KLHDC4: variants seen among roughly 807,000 people sequenced by gnomAD.
The protein encoded by KLHDC4 is kelch domain-containing protein 4.
A neutral mutation model predicts 62.4 loss-of-function variants in KLHDC4; 90 were observed. The observed-to-expected ratio is 1.44, with a 90% CI of 1.22 to 1.72. KLHDC4 has a LOEUF of 1.72. KLHDC4 is among the 40% of genes most tolerant of loss of function. KLHDC4 has a pLI of 0.00. For missense variants in KLHDC4, 1,025 were observed against 699.7 expected, an observed-to-expected ratio of 1.47 and a Z score of -5.25; for synonymous variants, 386 against 284.4, an observed-to-expected ratio of 1.36 and a Z score of -3.59.
chr16:87,721,938 C>T (rs765983966), intron 7 of KLHDC4, among the ~76,000 whole-genome samples: 3 of 151,898 alleles, frequency 2.0e-5, no homozygotes, highest in Non-Finnish European at 4.4e-5. Flanking sequence ...AACCTTCCAC[C>T]GTCGCGCCCC....
intron 3 of KLHDC4, chr16:87,755,939 C>T (rs1226430587): frequency 5.5e-5 from 9 of 162,456 alleles, no homozygotes; most frequent in Admixed American, 2.9e-4. Context: ...AGGCCCATCC[C>T]GGGCTGCAGG....
intron 2 of KLHDC4, among the ~76,000 whole-genome samples, chr16:87,761,042 A>G (rs1478357725): frequency 6.6e-6 from 1 of 152,228 alleles, no homozygotes; most frequent in African/African-American, 2.4e-5. Context: ...CAAAAAGAAA[A>G]AAAAAAGTAC....
In KLHDC4 at chr16:87,756,517, C is replaced by T. The variant is rs758938013; in HGVS notation, c.192-40G>A. ...AGCGGCAGGTCAGCAAGATCACCCC[C>T]GATACCCACCTGAGCGCTGTCCCCT... On this transcript the variant is annotated intron_variant, in intron 2 of 11. Transcript: ENST00000270583. The T allele has an allele frequency of 1.2e-5, 17 of 1,445,004 alleles. No individual in the cohort carries two copies. The South Asian group carries it at 1.5e-4, about 13-fold the overall frequency. 89.5% of individuals were successfully genotyped at this position (1,445,004 alleles called of 1,614,324 possible). A position where few individuals can be genotyped will look rare whatever the true frequency, so the allele number is the denominator to read the frequency against.
chr16:87,746,508 C>T (rs1296886599), intron 5 of KLHDC4, among the ~76,000 whole-genome samples: 1 of 152,196 alleles, frequency 6.6e-6, no homozygotes, highest in African/African-American at 2.4e-5. Flanking sequence ...ACACGACCTT[C>T]CAGGACCAAG....
In KLHDC4 at chr16:87,756,283, G is replaced by A. The variant is rs2033247; in HGVS notation, c.270+116C>T. 9.7e-4 allele frequency: 722 copies of A among 748,170 alleles called. 5 individuals are homozygous for A. The highest frequency in any genetic ancestry group is 3.7e-3 in the Middle Eastern group (14 of 3,770). The allele number at this position is 748,170 out of a possible 1,614,324, so 46.3% of individuals were successfully genotyped here. On this transcript the variant is annotated intron_variant, in intron 3 of 11. Coordinates refer to ENST00000270583, the MANE Select transcript of KLHDC4 (RefSeq NM_017566.4). ...TCACATCAGGCCTGACGGCTCAAGCGCGTGATACAAGGGGTGAAGGGGCTA... is the reference window on the plus strand; with the variant it reads ...TCACATCAGGCCTGACGGCTCAAGCACGTGATACAAGGGGTGAAGGGGCTA...
rs192287296 is a variant in KLHDC4, at chr16:87,714,343, C to T, written c.835+155G>A. ...CCAGGGCTATGGAGCCTGTCCCACCCGGCCCACCCCGAAATGAGCCATCTC... is the reference window on the plus strand; with the variant it reads ...CCAGGGCTATGGAGCCTGTCCCACCTGGCCCACCCCGAAATGAGCCATCTC... On this transcript the variant is annotated intron_variant, in intron 8 of 11. Coordinates refer to ENST00000270583, the MANE Select transcript of KLHDC4 (RefSeq NM_017566.4). 29 of 244,104 alleles carry T rather than the reference C, an allele frequency of 1.2e-4. 2 individuals are homozygous for T. Among genetic ancestry groups the T allele is most frequent in the African/African-American group, 3.0e-4 (13 of 42,718 alleles). 15.1% of individuals were successfully genotyped at this position (244,104 alleles called of 1,614,324 possible).
Position 87,742,054 on chromosome 16 carries a change from T to A in KLHDC4, c.506+6619A>T, listed in dbSNP as rs753648855. 2.6e-5 allele frequency among the ~76,000 whole-genome samples: 4 copies of A among 152,280 alleles called. No homozygotes were observed. In the South Asian group the frequency reaches 8.3e-4, roughly 32 times the overall value. Reference sequence around the variant, plus strand: ...CCAGAAAGGGCAAAAACCGTCTTTGTTGTGGCTGAATCTCCTGACCTTTCC... The same window carrying A: ...CCAGAAAGGGCAAAAACCGTCTTTGATGTGGCTGAATCTCCTGACCTTTCC... On this transcript the variant is annotated intron_variant, in intron 5 of 11. Transcript: ENST00000270583.
intron 5 of KLHDC4, among the ~76,000 whole-genome samples, chr16:87,736,867 G>A (rs936637262): frequency 6.6e-6 from 1 of 152,066 alleles, no homozygotes; most frequent in African/African-American, 2.4e-5. Flanking sequence ...GCTCACGCCT[G>A]TAATCCCAGT....
chr16:87,715,163 C>T (rs2036692133), intron 7 of KLHDC4, among the ~76,000 whole-genome samples: 1 of 152,208 alleles, frequency 6.6e-6, no homozygotes, highest in Non-Finnish European at 1.5e-5. Flanking sequence ...TACCTGGGAC[C>T]TAAGGTTGTG....
intron 2 of KLHDC4, among the ~76,000 whole-genome samples, chr16:87,760,554 C>T (rs1225180444): frequency 1.4e-5 from 2 of 146,394 alleles, no homozygotes; most frequent in African/African-American, 5.1e-5. Context: ...TTGCAGTGAA[C>T]CAAGATGGCG....
In KLHDC4 at chr16:87,755,261, T is replaced by C. The variant is rs2044686073; in HGVS notation, c.302A>G (p.Asn101Ser). The C allele has an allele frequency of 2.5e-6, 4 of 1,607,558 alleles. No homozygotes were observed. The highest frequency in any genetic ancestry group is 1.1e-5 in the South Asian group (1 of 90,928). ...TFLYNELYVY[N>S]TRKDTWTKVD... The stretch of plus-strand genomic sequence containing the variant: ...TTTGGTCCAGGTGTCCTTTCTGGTA[T>C]TGTAGACATAGAGCTCGTTATACAA... The change falls in exon 4 of 12, where the codon AAT (asparagine) becomes AGT (serine). Residue 101 changes from asparagine (N) to serine (S), a missense_variant. By Grantham distance (46) the Asn-to-Ser change is conservative. Coordinates refer to ENST00000270583, the MANE Select transcript of KLHDC4 (RefSeq NM_017566.4).
chr16:87,702,488 C>A (rs1445519769), exon 1 of KLHDC4: 2 of 358,486 alleles, frequency 5.6e-6, no homozygotes, highest in South Asian at 2.1e-5. Context: ...TCAGAGCACA[C>A]TTCTCCGGCA....
chr16:87,707,265 C>G (rs1023629583), downstream of KLHDC4, among the ~76,000 whole-genome samples: 17 of 152,232 alleles, frequency 1.1e-4, no homozygotes, highest in Non-Finnish European at 2.5e-4. Flanking sequence ...GATGGGGACA[C>G]CTGGTGGCAG....
rs201301577 is a variant in KLHDC4 at position 87,758,680 on chromosome 16, T to TA, written c.192-2204dup. 5.6e-4 allele frequency among the ~76,000 whole-genome samples: 85 copies of TA among 151,948 alleles called. No homozygotes were observed. The East Asian group carries it at 6.2e-3, about 11-fold the overall frequency. The stretch of plus-strand genomic sequence containing the variant: ...AACACTAACAATAGCTGATGAGCTT[T>TA]AAAAAAAAATCTCATCATGTTTTAA... On this transcript the variant is annotated intron_variant, in intron 2 of 11. Transcript: ENST00000270583.
At position 87,762,028 on chromosome 16, in the gene KLHDC4, C is replaced by CT. The variant is rs746502070; in HGVS notation, c.111dup (p.Ala38SerfsTer37). 6.2e-7 allele frequency: 1 copy of CT among 1,613,646 alleles called. No homozygotes were observed. Among genetic ancestry groups the CT allele is most frequent in the South Asian group, 1.1e-5 (1 of 91,048 alleles). On this transcript the variant is annotated frameshift_variant, in exon 2 of 12. Coordinates refer to ENST00000270583, the MANE Select transcript of KLHDC4 (RefSeq NM_017566.4). LOFTEE classifies it high-confidence loss of function. Reference sequence around the variant, plus strand: ...AGTGTCTGGAAATGGGCTATGAGCGCTTCCAGGTCTTCCTAGGGCAAGCAA... The same window carrying CT: ...AGTGTCTGGAAATGGGCTATGAGCGCTTTCCAGGTCTTCCTAGGGCAAGCAA...
downstream of KLHDC4, among the ~76,000 whole-genome samples, chr16:87,703,903 C>A (rs1397446152): frequency 6.6e-6 from 1 of 152,218 alleles, no homozygotes; most frequent in Admixed American, 6.5e-5. Context: ...CAACCTGCGC[C>A]GGGAGCCATC....
chr16:87,757,035 A>T (rs2045062572), intron 2 of KLHDC4, among the ~76,000 whole-genome samples: 1 of 151,826 alleles, frequency 6.6e-6, no homozygotes, highest in Non-Finnish European at 1.5e-5. Context: ...GGCTGGTCTC[A>T]AACTCCGGAC....
chr16:87,736,081 C>A (rs994098984), intron 5 of KLHDC4, among the ~76,000 whole-genome samples: 2 of 152,208 alleles, frequency 1.3e-5, no homozygotes, highest in African/African-American at 4.8e-5. Context: ...GAGACGGGTT[C>A]TGGGAAACAA....
chr16:87,752,089 CAAAAAAA>C (rs1173625123), intron 4 of KLHDC4, among the ~76,000 whole-genome samples: 2 of 29,468 alleles, frequency 6.8e-5, no homozygotes, highest in African/African-American at 1.7e-4. Context: ...GACTTTGTCT[CAAAAAAA>C]AAAAAAAAAA....
Sources: allele counts gnomAD v4.1 joint callset (sites outside exome capture counted in the v4.1 genomes callset), GRCh38; gene constraint gnomAD v4.1.1; transcripts MANE v1.5; gene names NCBI Gene and HGNC (gene_info 2026-07-23, HGNC 2026-07-21).